Variants in CLOCK observed in about 807,000 individuals in gnomAD.
CLOCK encodes clock circadian regulator, also known as circadian locomoter output cycles protein kaput.
Under a neutral mutation model 118.4 loss-of-function variants are expected in CLOCK, and 43 were observed. That is an observed-to-expected ratio of 0.36 (90% CI 0.28 to 0.47). The LOEUF (loss-of-function observed/expected upper bound fraction) is 0.47, where lower values mean the gene tolerates loss of function less well. CLOCK is among the 20% of genes least tolerant of loss of function. The pLI is 1.00. For missense variants in CLOCK, 846 were observed against 999.9 expected (o/e 0.85, Z 2.08); for synonymous variants, 326 against 339.2 (o/e 0.96, Z 0.43).
At chr4:55,463,494 AC>A (rs1725517895) in intron 9 of CLOCK, among the ~76,000 whole-genome samples, 190 bp downstream of exon 9, 3 of 152,110 alleles carry the variant, frequency 2.0e-5, no homozygotes, top group Admixed American at 6.5e-5. Context: ...TTCAATATAC[AC>A]TGAAATAGAT....
chr4:55,508,259 G>A (rs1023031221), intron 2 of CLOCK, among the ~76,000 whole-genome samples: 7 of 152,116 alleles, frequency 4.6e-5, no homozygotes, highest in Non-Finnish European at 1.0e-4. Flanking sequence ...AGGTATTATA[G>A]TAACATTAAA....
At chr4:55,526,413 TG>T (rs1730190967) in intron 1 of CLOCK, among the ~76,000 whole-genome samples, 1 of 152,218 alleles carries the variant, frequency 6.6e-6, no homozygotes, top group African/African-American at 2.4e-5. Context: ...TCTTTAACAC[TG>T]GGACAACCAC....
rs1044215022 is a variant in CLOCK at position 55,475,918 on chromosome 4, T to C, written c.348+45A>G. On this transcript the variant is annotated intron_variant, in intron 7 of 22. Coordinates refer to ENST00000513440, the MANE Select transcript of CLOCK (RefSeq NM_004898.4). ...GGATATTAAGTCACCCTGTGATTTC[T>C]TTTTTGAGGAAAATAAAACTTTCAA... 9 of 1,389,824 alleles carry C rather than the reference T, an allele frequency of 6.5e-6. No homozygotes were observed. In the African/African-American group the frequency reaches 1.3e-4, roughly 20 times the overall value. The allele number at this position is 1,389,824 out of a possible 1,614,324, so 86.1% of individuals were successfully genotyped here.
At chr4:55,475,894 G>C in intron 7 of CLOCK, 69 bp downstream of exon 7, 5 of 1,038,194 alleles carry the variant, frequency 4.8e-6, no homozygotes, top group Non-Finnish European at 7.5e-6. Context: ...GGTACACCTG[G>C]ATATTAAGTC....
intron 1 of CLOCK, among the ~76,000 whole-genome samples, chr4:55,530,268 A>G (rs1730451522): frequency 1.3e-5 from 2 of 152,182 alleles, no homozygotes; most frequent in Non-Finnish European, 2.9e-5. Context: ...TTTAGAAAAT[A>G]ACAAGACAGA....
chr4:55,506,413 T>C (rs1275747720), intron 2 of CLOCK, among the ~76,000 whole-genome samples: 1 of 151,840 alleles, frequency 6.6e-6, no homozygotes, highest in African/African-American at 2.4e-5. Flanking sequence ...ATTTTAAAAG[T>C]GGAATTCTTA....
At chr4:55,482,587 T>C (rs1444595916) in intron 4 of CLOCK, 152 bp downstream of exon 4, 8 of 551,566 alleles carry the variant, frequency 1.5e-5, no homozygotes, top group East Asian at 6.2e-5. Flanking sequence ...TACTTATTTT[T>C]TTATACTATA....
chr4:55,441,059 C>T (rs931364059), intron 21 of CLOCK, among the ~76,000 whole-genome samples: 6 of 152,136 alleles, frequency 3.9e-5, no homozygotes, highest in African/African-American at 1.4e-4. Flanking sequence ...CAAACAATAC[C>T]GATTTATCTT....
chr4:55,506,775 GGT>G (rs1235946184), intron 2 of CLOCK, among the ~76,000 whole-genome samples: 5 of 151,958 alleles, frequency 3.3e-5, no homozygotes, highest in Non-Finnish European at 1.5e-5. Flanking sequence ...TGGCCAGGCT[GGT>G]CTCAAACTCC....
Position 55,504,080 on chromosome 4 carries a change from C to G in CLOCK, c.-136+5832G>C, listed in dbSNP as rs187861386. On this transcript the variant is annotated intron_variant, in intron 2 of 22. Coordinates refer to ENST00000513440, the MANE Select transcript of CLOCK (RefSeq NM_004898.4). ...CGGGCGGATCACGAGGTCAGGAGAT[C>G]GAGACCATCCTGGCTAACACAGTGA... 6.7e-3 allele frequency among the ~76,000 whole-genome samples: 990 copies of G among 146,972 alleles called. 18 individuals carry two copies. Among genetic ancestry groups the G allele is most frequent in the African/African-American group, 0.023 (918 of 40,194 alleles).
intron 2 of CLOCK, among the ~76,000 whole-genome samples, chr4:55,492,296 G>GT (rs910079022): frequency 4.7e-5 from 7 of 150,446 alleles, no homozygotes; most frequent in African/African-American, 1.7e-4. Context: ...GATAAAAATC[G>GT]TATGAGGGAT....
intron 7 of CLOCK, among the ~76,000 whole-genome samples, chr4:55,473,894 G>C (rs1726314063): frequency 6.6e-6 from 1 of 152,112 alleles, no homozygotes; most frequent in Middle Eastern, 3.4e-3. Flanking sequence ...CAACTCACTG[G>C]CCATTCCCCC....
rs114468151 is a variant in CLOCK at position 55,534,250 on chromosome 4, C to T, written c.-290+12532G>A. Among the ~76,000 whole-genome samples, 953 of 152,264 alleles carry T rather than the reference C, an allele frequency of 6.3e-3. 3 individuals carry two copies. Among genetic ancestry groups the T allele is most frequent in the South Asian group, 0.019 (90 of 4,816 alleles). On this transcript the variant is annotated intron_variant, in intron 1 of 22. Transcript: ENST00000513440. The stretch of plus-strand genomic sequence containing the variant: ...CTCAACTATCACCAAGCCAATCCTC[C>T]TCAAACTCTTCCAAAGAACTAAATG...
At chr4:55,499,750 A>G (rs775765281) in intron 2 of CLOCK, among the ~76,000 whole-genome samples, 4 of 152,216 alleles carry the variant, frequency 2.6e-5, no homozygotes, top group Non-Finnish European at 5.9e-5. Flanking sequence ...CTGGGATTTG[A>G]GCAGTGGTTT....
intron 13 of CLOCK, among the ~76,000 whole-genome samples, chr4:55,454,076 CT>C (rs1266312309): frequency 1.3e-5 from 2 of 152,156 alleles, no homozygotes; most frequent in Non-Finnish European, 2.9e-5. Flanking sequence ...ACAATTAATA[CT>C]TAAGAATTCA....
At chr4:55,489,938 G>T (rs555809448) in intron 2 of CLOCK, among the ~76,000 whole-genome samples, 7 of 151,868 alleles carry the variant, frequency 4.6e-5, no homozygotes, top group South Asian at 2.1e-4. Context: ...AAAAAATAAA[G>T]AAAGAAAGAA....
rs1480192281 is a variant in CLOCK, at chr4:55,475,874, A to G, written c.348+89T>C. 5.9e-6 allele frequency: 5 copies of G among 843,190 alleles called. No individual in the cohort carries two copies. In the East Asian group the frequency reaches 7.7e-5, roughly 13 times the overall value. 52.2% of individuals were successfully genotyped at this position (843,190 alleles called of 1,614,324 possible). A position where few individuals can be genotyped will look rare whatever the true frequency, so the allele number is the denominator to read the frequency against. The stretch of plus-strand genomic sequence containing the variant: ...GCAGTGGTCTGGAACTCAACTCGCA[A>G]TATCGCCAAGGTACACCTGGATATT... On this transcript the variant is annotated intron_variant, in intron 7 of 22. Coordinates refer to ENST00000513440, the MANE Select transcript of CLOCK (RefSeq NM_004898.4).
rs887844689 is a variant in CLOCK at position 55,449,939 on chromosome 4, T to C, written c.1348+152A>G. ...TTAATTCTTTGCTGAAAGTGGGCAA[T>C]GTCCCTTTAACTCACTGGAAAGGTT... is the stretch of plus-strand genomic sequence containing the variant. On this transcript the variant is annotated intron_variant, in intron 16 of 22. Transcript: ENST00000513440. 1.1e-5 allele frequency: 10 copies of C among 902,212 alleles called. No homozygotes were observed. The African/African-American group carries it at 1.7e-4, about 15-fold the overall frequency. 55.9% of individuals were successfully genotyped at this position (902,212 alleles called of 1,614,324 possible).
rs1054149268 is a variant in CLOCK at position 55,431,618 on chromosome 4, G to C, written c.*3797C>G. 6.6e-6 allele frequency: 1 copy of C among 152,162 alleles called. No individual in the cohort carries two copies. Among genetic ancestry groups the C allele is most frequent in the African/African-American group, 2.4e-5 (1 of 41,430 alleles). The allele number at this position is 152,162 out of a possible 1,614,324, so 9.4% of individuals were successfully genotyped here. On this transcript the variant is annotated 3_prime_UTR_variant, in exon 23 of 23. Coordinates refer to ENST00000513440, the MANE Select transcript of CLOCK (RefSeq NM_004898.4). ...CCCCTTCCAACAGGGACTCCTGTGGGACTAAGGGCCACAGGTAATTGGAAA... is the reference window on the plus strand; with the variant it reads ...CCCCTTCCAACAGGGACTCCTGTGGCACTAAGGGCCACAGGTAATTGGAAA...
Sources: allele counts gnomAD v4.1 joint callset (sites outside exome capture counted in the v4.1 genomes callset), GRCh38; gene constraint gnomAD v4.1.1; transcripts MANE v1.5; gene names NCBI Gene and HGNC (gene_info 2026-07-23, HGNC 2026-07-21).